Variants in IL21R observed in about 807,000 individuals in gnomAD.
IL21R encodes interleukin 21 receptor.
Under a neutral mutation model 41.3 loss-of-function variants are expected in IL21R, and 14 were observed. That is an observed-to-expected ratio of 0.34 (90% CI 0.22 to 0.53). The LOEUF (loss-of-function observed/expected upper bound fraction) is 0.53. Among genes scored for constraint, IL21R ranks in the 20% least tolerant of loss-of-function variants. The pLI is 0.94. For synonymous variants in IL21R, 286 were observed against 287.6 expected (o/e 0.99, Z 0.05); for missense variants, 588 against 681.6 (o/e 0.86, Z 1.53).
In IL21R at chr16:27,435,465, T is replaced by C. The variant is rs1358277385; in HGVS notation, c.152+1016T>C. Among the ~76,000 whole-genome samples, 3 of 151,724 alleles carry C rather than the reference T, an allele frequency of 2.0e-5. No homozygotes were observed. The East Asian group carries it at 5.8e-4, about 29-fold the overall frequency. On this transcript the variant is annotated intron_variant, in intron 3 of 8. Coordinates refer to ENST00000337929, the MANE Select transcript of IL21R (RefSeq NM_181078.3). Reference sequence around the variant, plus strand: ...TTTTATTTTATTTTATTTTATTTTATTTTTTTGAGACAGGGTCTTGCTCTG... The same window carrying C: ...TTTTATTTTATTTTATTTTATTTTACTTTTTTGAGACAGGGTCTTGCTCTG...
At position 27,450,142 on chromosome 16, in the gene IL21R, C is replaced by T. The variant is rs967663434; in HGVS notation, c.*859C>T. The T allele has an allele frequency of 4.3e-5, 10 of 232,798 alleles. No homozygotes were observed. The highest frequency in any genetic ancestry group is 2.0e-4 in the African/African-American group (9 of 45,324). 14.4% of individuals were successfully genotyped at this position (232,798 alleles called of 1,614,324 possible). A position where few individuals can be genotyped will look rare whatever the true frequency, so the allele number is the denominator to read the frequency against. ...TCGTCAGCGACAGCCTGGGCACCCGCGGGGCCGTCCCGCCTGCAGAGGGCC... is the reference window on the plus strand; with the variant it reads ...TCGTCAGCGACAGCCTGGGCACCCGTGGGGCCGTCCCGCCTGCAGAGGGCC... On this transcript the variant is annotated 3_prime_UTR_variant, in exon 9 of 9. Coordinates refer to ENST00000337929, the MANE Select transcript of IL21R (RefSeq NM_181078.3).
intron 1 of IL21R, among the ~76,000 whole-genome samples, chr16:27,423,973 C>A (rs368176012): frequency 1.1e-4 from 16 of 152,198 alleles, no homozygotes; most frequent in East Asian, 7.7e-4. Context: ...CCTATTATAT[C>A]ATATCCTGAG....
At chr16:27,417,188 G>T (rs1310183859) in intron 1 of IL21R, among the ~76,000 whole-genome samples, 4 of 144,368 alleles carry the variant, frequency 2.8e-5, no homozygotes, top group Admixed American at 7.0e-5. Context: ...TTGAGACAGG[G>T]TCACACTCTG....
intron 8 of IL21R, among the ~76,000 whole-genome samples, chr16:27,446,998 G>A (rs2087492658): frequency 6.6e-6 from 1 of 152,148 alleles, no homozygotes; most frequent in African/African-American, 2.4e-5. Context: ...TTGAGCTCCT[G>A]CTGTCTGCCT....
chr16:27,445,382 A>T, intron 7 of IL21R, 106 bp downstream of exon 7: 1 of 748,926 alleles, frequency 1.3e-6, no homozygotes, highest in Non-Finnish European at 2.3e-6. Flanking sequence ...GGTAACAATG[A>T]TGATGATGGG....
At chr16:27,416,753 C>T (rs536809534) in intron 1 of IL21R, among the ~76,000 whole-genome samples, 1 of 152,312 alleles carries the variant, frequency 6.6e-6, no homozygotes, top group East Asian at 1.9e-4. Flanking sequence ...AAACCTACAT[C>T]CATTGCTGTT....
chr16:27,418,863 TTA>T (rs1346150480), intron 1 of IL21R, among the ~76,000 whole-genome samples: 3 of 149,664 alleles, frequency 2.0e-5, no homozygotes, highest in Non-Finnish European at 3.0e-5. Context: ...TTTTTATATA[TTA>T]TATTTTAAAA....
Position 27,449,116 on chromosome 16 carries a change from G to A in IL21R, c.1450G>A (p.Gly484Ser), listed in dbSNP as rs3093386. 5.6e-3 allele frequency: 9,004 copies of A among 1,613,504 alleles called. 420 individuals carry two copies. In the African/African-American group the frequency reaches 0.11, roughly 19 times the overall value. ...SESEAGSPLAGLDMDTFDSGF... is the reference protein window; with the variant it reads ...SESEAGSPLASLDMDTFDSGF... Reference sequence around the variant, plus strand: ...GAGTGAGGCGGGCTCACCCCTGGCCGGCCTGGATATGGACACGTTTGACAG... The same window carrying A: ...GAGTGAGGCGGGCTCACCCCTGGCCAGCCTGGATATGGACACGTTTGACAG... Residue 484 changes from glycine (G) to serine (S), a missense_variant, in exon 9 of 9, where the codon GGC (glycine) becomes AGC (serine). By Grantham distance (56) the Gly-to-Ser change is moderately conservative. Coordinates refer to ENST00000337929, the MANE Select transcript of IL21R (RefSeq NM_181078.3).
intron 1 of IL21R, among the ~76,000 whole-genome samples, chr16:27,424,575 C>G (rs2087046270): frequency 6.6e-6 from 1 of 152,138 alleles, no homozygotes; most frequent in South Asian, 2.1e-4. Context: ...TTTTAATGCT[C>G]ATGACAAACC....
chr16:27,433,485 A>C (rs1381680929), intron 2 of IL21R, among the ~76,000 whole-genome samples: 1 of 152,218 alleles, frequency 6.6e-6, no homozygotes, highest in Non-Finnish European at 1.5e-5. Flanking sequence ...GGTGAGCGGT[A>C]CAAGTTTCTA....
At chr16:27,440,677 T>G (rs1400009322) in intron 4 of IL21R, among the ~76,000 whole-genome samples, 1 of 152,056 alleles carries the variant, frequency 6.6e-6, no homozygotes, top group African/African-American at 2.4e-5. Flanking sequence ...CCCAAGGAGC[T>G]AAGAGCCCAG....
At chr16:27,411,594 C>G (rs2086823999) in intron 1 of IL21R, among the ~76,000 whole-genome samples, 1 of 150,462 alleles carries the variant, frequency 6.6e-6, no homozygotes, top group African/African-American at 2.4e-5. Context: ...TCCTGAGTAA[C>G]TGGAATTACA....
rs2087554331 is a variant in IL21R at position 27,449,546 on chromosome 16, C to T, written c.*263C>T. ...GTGCCTGTGGGCCTGGGATAATGCCCATGGTACTCCATGCATTCACCTGCC... is the reference window on the plus strand; with the variant it reads ...GTGCCTGTGGGCCTGGGATAATGCCTATGGTACTCCATGCATTCACCTGCC... On this transcript the variant is annotated 3_prime_UTR_variant, in exon 9 of 9. Coordinates refer to ENST00000337929, the MANE Select transcript of IL21R (RefSeq NM_181078.3). 1.9e-6 allele frequency: 1 copy of T among 531,362 alleles called. No individual in the cohort carries two copies. The highest frequency in any genetic ancestry group is 3.3e-6 in the Non-Finnish European group (1 of 299,508). 32.9% of individuals were successfully genotyped at this position (531,362 alleles called of 1,614,324 possible). A position where few individuals can be genotyped will look rare whatever the true frequency, so the allele number is the denominator to read the frequency against.
rs774265226 is a variant in IL21R, at chr16:27,443,046, C to G, written c.437C>G (p.Ala146Gly). 9 of 1,613,948 alleles carry G rather than the reference C, an allele frequency of 5.6e-6. No homozygotes were observed. In the South Asian group the frequency reaches 9.9e-5, roughly 18 times the overall value. ...ISWRSDYEDP[A>G]FYMLKGKLQY... The stretch of plus-strand genomic sequence containing the variant: ...TGGCGCTCAGATTACGAAGACCCTG[C>G]CTTCTACATGCTGAAGGGCAAGCTT... Residue 146 changes from alanine to glycine, a missense_variant, in exon 5 of 9, where the codon GCC (alanine) becomes GGC (glycine). Ala to Gly is a moderately conservative substitution (Grantham distance 60, BLOSUM62 0). Coordinates refer to ENST00000337929, the MANE Select transcript of IL21R (RefSeq NM_181078.3).
At position 27,443,279 on chromosome 16, in the gene IL21R, A is replaced by G. The variant is rs538033031; in HGVS notation, c.507+163A>G. Reference sequence around the variant, plus strand: ...TACAGCGGGCCCTCCTCCTCCCCTCACTTCTCCCCAAGGTAGGAGACCCCT... The same window carrying G: ...TACAGCGGGCCCTCCTCCTCCCCTCGCTTCTCCCCAAGGTAGGAGACCCCT... On this transcript the variant is annotated intron_variant, in intron 5 of 8. Coordinates refer to ENST00000337929, the MANE Select transcript of IL21R (RefSeq NM_181078.3). Among the ~76,000 whole-genome samples the G allele has an allele frequency of 4.6e-5, 7 of 152,096 alleles. No homozygotes were observed. The East Asian group carries it at 1.4e-3, about 29-fold the overall frequency.
intron 1 of IL21R, among the ~76,000 whole-genome samples, chr16:27,403,403 G>A (rs760765107): frequency 6.6e-6 from 1 of 152,148 alleles, no homozygotes; most frequent in Non-Finnish European, 1.5e-5. Context: ...GACCAGGTGC[G>A]GGACATTCAA....
chr16:27,408,367 A>C (rs1449177476), intron 1 of IL21R, among the ~76,000 whole-genome samples: 2 of 152,246 alleles, frequency 1.3e-5, no homozygotes, highest in African/African-American at 4.8e-5. Flanking sequence ...TGAGGCTGTC[A>C]GTGGTCTGAT....
In IL21R at chr16:27,448,634, G is replaced by A. The variant is rs144751116; in HGVS notation, c.968G>A (p.Arg323Gln). The A allele has an allele frequency of 9.9e-6, 16 of 1,613,054 alleles. No homozygotes were observed. The highest frequency in any genetic ancestry group is 2.7e-5 in the African/African-American group (2 of 74,918). ...TLEVYSCHPP[R>Q]SPAKRLQLTE... is the part of the protein sequence containing the mutation. ...GAGGTGTACAGCTGCCACCCACCACGGAGCCCGGCCAAGAGGCTGCAGCTC... is the reference window on the plus strand; with the variant it reads ...GAGGTGTACAGCTGCCACCCACCACAGAGCCCGGCCAAGAGGCTGCAGCTC... Residue 323 changes from arginine to glutamine, a missense_variant, in exon 9 of 9, where the codon CGG becomes CAG. Physicochemically the swap from Arg to Gln is conservative, Grantham distance 43 (BLOSUM62 1). Transcript: ENST00000337929.
chr16:27,445,793 C>T (rs1427345243), intron 7 of IL21R, among the ~76,000 whole-genome samples: 1 of 152,222 alleles, frequency 6.6e-6, no homozygotes, highest in Admixed American at 6.5e-5. Context: ...CAGCCAAGAA[C>T]ATAACCACGA....
Sources: allele counts gnomAD v4.1 joint callset (sites outside exome capture counted in the v4.1 genomes callset), GRCh38; gene constraint gnomAD v4.1.1; transcripts MANE v1.5; gene names NCBI Gene and HGNC (gene_info 2026-07-23, HGNC 2026-07-21).